The following CNTLN variants were observed in gnomAD, a reference collection of about 807,000 sequenced individuals.
CNTLN encodes the protein centlein, centrosomal protein.
In CNTLN, 212 loss-of-function variants were observed where a neutral mutation model predicts 180.0. That is an observed-to-expected ratio of 1.18 (90% CI 1.05 to 1.32). The LOEUF is 1.32. Ranked by LOEUF, CNTLN falls within the 40% of genes most tolerant of loss-of-function variation. The probability of loss-of-function intolerance (pLI) is 0.00; values close to 1 mark genes in which losing one functional copy is unlikely to be tolerated. For synonymous variants in CNTLN, 722 were observed against 563.1 expected (o/e 1.28, Z -3.99); for missense variants, 2,095 against 1,610.9 (o/e 1.30, Z -5.14).
intron 5 of CNTLN, among the ~76,000 whole-genome samples, chr9:17,260,826 A>G (rs1826911197): frequency 6.6e-6 from 1 of 151,282 alleles, no homozygotes; most frequent in Non-Finnish European, 1.5e-5. Flanking sequence ...TTGTTTTCAT[A>G]TTTAAGTCTT....
intron 18 of CNTLN, among the ~76,000 whole-genome samples, chr9:17,423,434 C>T (rs1564093928): frequency 6.6e-6 from 1 of 151,806 alleles, no homozygotes; most frequent in Non-Finnish European, 1.5e-5. Flanking sequence ...ACCCAAGTTG[C>T]AAGACAAAGT....
chr9:17,310,211 T>C (rs966102193), intron 8 of CNTLN, among the ~76,000 whole-genome samples: 4 of 152,182 alleles, frequency 2.6e-5, no homozygotes, highest in African/African-American at 9.6e-5. Context: ...GTGCTTTGAT[T>C]CTCTTACAAG....
chr9:17,295,700 C>T (rs757928106), intron 6 of CNTLN, among the ~76,000 whole-genome samples: 3 of 152,006 alleles, frequency 2.0e-5, no homozygotes, highest in African/African-American at 4.8e-5. Flanking sequence ...CAGTGCTTTC[C>T]GCTGGTTCAG....
At chr9:17,408,090 A>C (rs1189018580) in intron 15 of CNTLN, among the ~76,000 whole-genome samples, 2 of 138,944 alleles carry the variant, frequency 1.4e-5, no homozygotes, top group Admixed American at 1.6e-4. Context: ...TCGTGCCACT[A>C]CACTCCAGCC....
intron 15 of CNTLN, among the ~76,000 whole-genome samples, chr9:17,400,971 C>G (rs1826926797): frequency 6.6e-6 from 1 of 152,126 alleles, no homozygotes; most frequent in South Asian, 2.1e-4. Context: ...GATTTTTAAT[C>G]TTGGAAATTT....
chr9:17,229,361 A>G lies in CNTLN; in HGVS notation c.534+3074A>G, dbSNP rs544323572. 2.0e-5 allele frequency among the ~76,000 whole-genome samples: 3 copies of G among 152,212 alleles called. No individual in the cohort carries two copies. In the South Asian group the frequency reaches 6.2e-4, roughly 32 times the overall value. On this transcript the variant is annotated intron_variant, in intron 3 of 25. Transcript: ENST00000380647. ...AATTTTAAGAGATCATTGAATTCTG[A>G]CAAAGTAATGGAAAGGAATGAAGAA...
At chr9:17,332,186 C>G (rs1323741990) in intron 9 of CNTLN, among the ~76,000 whole-genome samples, 1 of 151,980 alleles carries the variant, frequency 6.6e-6, no homozygotes, top group Non-Finnish European at 1.5e-5. Flanking sequence ...CCTTCAACTT[C>G]ACAGTGTGTT....
intron 18 of CNTLN, among the ~76,000 whole-genome samples, chr9:17,431,267 T>G (rs1454538464): frequency 6.6e-6 from 1 of 152,144 alleles, no homozygotes; most frequent in Non-Finnish European, 1.5e-5. Context: ...AGATGATACC[T>G]CAATGTGGTT....
intron 8 of CNTLN, among the ~76,000 whole-genome samples, chr9:17,317,958 C>G (rs1819639360): frequency 6.6e-6 from 1 of 151,602 alleles, no homozygotes; most frequent in South Asian, 2.1e-4. Context: ...TGTAGAAGAG[C>G]AACATGGAAC....
At chr9:17,477,541 T>G (rs1257816570) in intron 23 of CNTLN, among the ~76,000 whole-genome samples, 2 of 152,210 alleles carry the variant, frequency 1.3e-5, no homozygotes, top group Non-Finnish European at 2.9e-5. Context: ...AGCAGGAGTT[T>G]GGAGAAGTTT....
chr9:17,507,070 G>T (rs1833945420), downstream of CNTLN, among the ~76,000 whole-genome samples: 1 of 152,024 alleles, frequency 6.6e-6, no homozygotes, highest in South Asian at 2.1e-4. Context: ...TCTGAGCTTT[G>T]AGTTTCTAAT....
At chr9:17,424,288 A>G (rs1032510136) in intron 18 of CNTLN, among the ~76,000 whole-genome samples, 1 of 152,210 alleles carries the variant, frequency 6.6e-6, no homozygotes, top group African/African-American at 2.4e-5. Context: ...TTACTCTTCC[A>G]GTTTGAATGA....
intron 2 of CNTLN, among the ~76,000 whole-genome samples, chr9:17,189,073 G>GTTTTTTTTTTTTT (rs1175101171): frequency 4.4e-5 from 3 of 68,904 alleles, no homozygotes; most frequent in African/African-American, 6.6e-5. Flanking sequence ...TTGGGACTTA[G>GTTTTTTTTTTTTT]TTTTTTTTTT....
rs1331639675 is a variant in CNTLN at position 17,364,430 on chromosome 9, A to T, written c.1887-2187A>T. On this transcript the variant is annotated intron_variant, in intron 12 of 25. Transcript: ENST00000380647. ...TATTATGTTATTATTATTAATTTTC[A>T]TTGCTTTATTTCATATTTTTAGATA... is the stretch of plus-strand genomic sequence containing the variant. Among the ~76,000 whole-genome samples the T allele has an allele frequency of 2.0e-5, 3 of 151,682 alleles. No individual in the cohort carries two copies. The East Asian group carries it at 5.8e-4, about 29-fold the overall frequency.
intron 25 of CNTLN, among the ~76,000 whole-genome samples, chr9:17,496,278 C>T (rs752766148): frequency 9.2e-5 from 14 of 152,182 alleles, no homozygotes; most frequent in Middle Eastern, 3.2e-3. Context: ...GCTGTTATCA[C>T]AGAATACCAT....
intron 2 of CNTLN, among the ~76,000 whole-genome samples, chr9:17,213,239 G>A (rs975018474): frequency 6.6e-6 from 1 of 152,186 alleles, no homozygotes; most frequent in Non-Finnish European, 1.5e-5. Context: ...GTGTCCCAGA[G>A]ATTCTGGTAT....
chr9:17,414,701 G>A (rs1828095168), intron 16 of CNTLN, among the ~76,000 whole-genome samples: 1 of 152,002 alleles, frequency 6.6e-6, no homozygotes, highest in African/African-American at 2.4e-5. Context: ...TGACTTTCAG[G>A]CAATTTGTTG....
intron 10 of CNTLN, among the ~76,000 whole-genome samples, chr9:17,335,997 T>A (rs1316814159): frequency 6.6e-6 from 1 of 151,958 alleles, no homozygotes. Context: ...AAGGAAGTAC[T>A]TAGTAAATGT....
chr9:17,437,749 A>G (rs1030578900), intron 18 of CNTLN, among the ~76,000 whole-genome samples: 1 of 152,204 alleles, frequency 6.6e-6, no homozygotes, highest in African/African-American at 2.4e-5. Flanking sequence ...CTTGTCCCCG[A>G]TAATAACACA....
Sources: allele counts gnomAD v4.1 joint callset (sites outside exome capture counted in the v4.1 genomes callset), GRCh38; gene constraint gnomAD v4.1.1; transcripts MANE v1.5; gene names NCBI Gene and HGNC (gene_info 2026-07-23, HGNC 2026-07-21).